KIF21B: variants seen among roughly 807,000 people sequenced by gnomAD.
KIF21B encodes the protein kinesin family member 21B, also known as kinesin-like protein KIF21B.
Under a neutral mutation model 192.9 loss-of-function variants are expected in KIF21B, and 85 were observed. That is an observed-to-expected ratio of 0.44 (90% CI 0.37 to 0.53). The LOEUF (loss-of-function observed/expected upper bound fraction) is 0.53, where lower values mean the gene tolerates loss of function less well. Ranked by LOEUF, KIF21B falls within the 20% of genes least tolerant of loss-of-function variation. The pLI is 0.00. For missense variants in KIF21B, 1,716 were observed against 2,194.8 expected (o/e 0.78, Z 4.36); for synonymous variants, 832 against 884.6 (o/e 0.94, Z 1.05).
Position 201,000,054 on chromosome 1 carries a change from G to T in KIF21B, c.1686-90C>A. 1 of 1,192,472 alleles carries T rather than the reference G, an allele frequency of 8.4e-7. No homozygotes were observed. 73.9% of individuals were successfully genotyped at this position (1,192,472 alleles called of 1,614,324 possible). ...ACGGCGGCAGCGGCAGAAAAGGAAGGCTCTCACCAGAGGCCGGGGAGAGCA... is the reference window on the plus strand; with the variant it reads ...ACGGCGGCAGCGGCAGAAAAGGAAGTCTCTCACCAGAGGCCGGGGAGAGCA... On this transcript the variant is annotated intron_variant, in intron 11 of 34. Coordinates refer to ENST00000461742, the MANE Select transcript of KIF21B (RefSeq NM_001252102.2). The surrounding 1 kb of genome is among the most constrained non-coding windows in gnomAD (Gnocchi z 6.0).
At position 201,000,480 on chromosome 1, in the gene KIF21B, C is replaced by G. The variant is rs1279620644; in HGVS notation, c.1595G>C (p.Ser532Thr). Residue 532 changes from serine (S) to threonine (T), a missense_variant, in exon 11 of 35, where the codon AGC (serine) becomes ACC (threonine). By Grantham distance (58) the Ser-to-Thr change is moderately conservative (BLOSUM62 1). Transcript: ENST00000461742. This position sits in a 1 kb window ranked among gnomAD's most constrained non-coding sequence, Gnocchi z 6.0. ...AAPAFGGSPASSMEDASEVIR... is the reference protein window; with the variant it reads ...AAPAFGGSPATSMEDASEVIR... ...CACCTCCGAGGCATCCTCCATGGAG[C>G]TGGCAGGGCTGCCCCCGAAGGCCGG... The G allele has an allele frequency of 6.2e-7, 1 of 1,604,672 alleles. No individual in the cohort carries two copies. The highest frequency in any genetic ancestry group is 1.3e-5 in the African/African-American group (1 of 74,454).
chr1:200,979,922 A>G (rs1655811004), intron 29 of KIF21B, among the ~76,000 whole-genome samples: 3 of 152,194 alleles, frequency 2.0e-5, no homozygotes, highest in Admixed American at 6.5e-5. Context: ...GGAAGAGAGA[A>G]TTCCCTCAGA....
intron 15 of KIF21B, among the ~76,000 whole-genome samples, chr1:200,995,440 T>C (rs187743191): frequency 8.5e-5 from 13 of 152,298 alleles, no homozygotes; most frequent in Non-Finnish European, 1.8e-4. Context: ...ATGGATCTGC[T>C]GAGCCCCAGA....
In KIF21B at chr1:200,990,834, C is replaced by A; in HGVS notation, c.2687+83G>T. 1 of 1,595,484 alleles carries A rather than the reference C, an allele frequency of 6.3e-7. No individual in the cohort carries two copies. The highest frequency in any genetic ancestry group is 8.6e-7 in the Non-Finnish European group (1 of 1,166,210). ...CGGGGACCCGGAGCACTCCCCAGAG[C>A]TTCCCTCTTCCTCACCCTGGCCCTG... On this transcript the variant is annotated intron_variant, in intron 18 of 34. Coordinates refer to ENST00000461742, the MANE Select transcript of KIF21B (RefSeq NM_001252102.2). This position sits in a 1 kb window ranked among gnomAD's most constrained non-coding sequence, Gnocchi z 5.4.
At position 200,974,832 on chromosome 1, in the gene KIF21B, C is replaced by A; in HGVS notation, c.4696G>T (p.Ala1566Ser). 4 of 1,614,246 alleles carry A rather than the reference C, an allele frequency of 2.5e-6. No individual in the cohort carries two copies. The highest frequency in any genetic ancestry group is 3.4e-6 in the Non-Finnish European group (4 of 1,180,032). Reference protein sequence around the residue: ...GRPMLLSACRAGVIKVWNVDN... With the variant: ...GRPMLLSACRSGVIKVWNVDN... Reference sequence around the variant, plus strand: ...ACGTTCCAGACCTTGATGACACCCGCACGGCAGGCGCTGAGCAGCATGGGG... The same window carrying A: ...ACGTTCCAGACCTTGATGACACCCGAACGGCAGGCGCTGAGCAGCATGGGG... The change falls in exon 34 of 35, where the codon GCG (alanine) becomes TCG (serine). Residue 1566 changes from alanine (A) to serine (S), a missense_variant. This residue lies in a region of KIF21B where 580 missense variants were observed against 775.5 expected (regional missense o/e 0.75). Coordinates refer to ENST00000461742, the MANE Select transcript of KIF21B (RefSeq NM_001252102.2).
At chr1:200,992,144 T>C in intron 16 of KIF21B, 138 bp downstream of exon 16, 1 of 700,768 alleles carries the variant, frequency 1.4e-6, no homozygotes. Context: ...CAGGCTGTAC[T>C]GTCCTCCAAG....
chr1:201,009,704 G>T (rs1388325190), intron 1 of KIF21B, among the ~76,000 whole-genome samples: 1 of 152,228 alleles, frequency 6.6e-6, no homozygotes. Flanking sequence ...CATTTATTGA[G>T]CATTCAGTAT....
chr1:200,992,580 G>A (rs1055380284), intron 15 of KIF21B, among the ~76,000 whole-genome samples, 191 bp from the exon 16 acceptor site: 10 of 152,238 alleles, frequency 6.6e-5, no homozygotes, highest in Non-Finnish European at 7.3e-5. Flanking sequence ...AGCCGCCTGG[G>A]CAAGCTGCCA....
chr1:200,991,268 G>T, intron 17 of KIF21B, 119 bp from the exon 18 acceptor site: 1 of 772,024 alleles, frequency 1.3e-6, no homozygotes, highest in Non-Finnish European at 2.1e-6. Context: ...GCTGGCCTGG[G>T]CTTGGGCTGC....
Position 201,000,759 on chromosome 1 carries a change from C to A in KIF21B, c.1424G>T (p.Gly475Val). The change falls in exon 10 of 35, where the codon GGT (glycine) becomes GTT (valine). Residue 475 changes from glycine (G) to valine (V), a missense_variant. Gly to Val is a moderately radical substitution (Grantham distance 109, BLOSUM62 -3). Transcript: ENST00000461742. This position sits in a 1 kb window ranked among gnomAD's most constrained non-coding sequence, Gnocchi z 6.0. ...AKAGDGNEAIGALIQNYIREI... is the reference protein window; with the variant it reads ...AKAGDGNEAIVALIQNYIREI... ...CCGGATGTAGTTCTGGATCAGCGCA[C>A]CAATGGCCTCATTGCCATCGCCTGG... 6.2e-7 allele frequency: 1 copy of A among 1,614,240 alleles called. No individual in the cohort carries two copies. The highest frequency in any genetic ancestry group is 8.5e-7 in the Non-Finnish European group (1 of 1,180,036).
chr1:200,990,262 G>A lies in KIF21B; in HGVS notation c.2906C>T (p.Pro969Leu), dbSNP rs768726346. ...CTCCTGCAGCCCCTTCTCTTCCTCG[G>A]GGCTCTCAGCCTGCAGCCGCTCCCG... ...RKRERLQAESPEEEKGLQELA... is the reference protein window; with the variant it reads ...RKRERLQAESLEEEKGLQELA... Residue 969 changes from proline to leucine, a missense_variant, in exon 20 of 35, where the codon CCC becomes CTC. Coordinates refer to ENST00000461742, the MANE Select transcript of KIF21B (RefSeq NM_001252102.2). The surrounding 1 kb of genome is among the most constrained non-coding windows in gnomAD (Gnocchi z 5.4). 1 of 1,613,766 alleles carries A rather than the reference G, an allele frequency of 6.2e-7. No homozygotes were observed. Among genetic ancestry groups the A allele is most frequent in the Non-Finnish European group, 8.5e-7 (1 of 1,179,950 alleles).
chr1:200,984,798 T>C lies in KIF21B; in HGVS notation c.3803+61A>G, dbSNP rs966982111. On this transcript the variant is annotated intron_variant, in intron 27 of 34. Coordinates refer to ENST00000461742, the MANE Select transcript of KIF21B (RefSeq NM_001252102.2). ...CTGAGCCCTCCTCCAGCAAGGACCATCCACAGGCTCCCCATTGCCACCTCA... is the reference window on the plus strand; with the variant it reads ...CTGAGCCCTCCTCCAGCAAGGACCACCCACAGGCTCCCCATTGCCACCTCA... 3.1e-6 allele frequency: 4 copies of C among 1,283,378 alleles called. No homozygotes were observed. In the African/African-American group the frequency reaches 6.2e-5, roughly 20 times the overall value. 79.5% of individuals were successfully genotyped at this position (1,283,378 alleles called of 1,614,324 possible).
Position 200,984,909 on chromosome 1 carries a change from A to G in KIF21B, c.3753T>C (p.Asn1251=). The G allele has an allele frequency of 6.2e-7, 1 of 1,607,124 alleles. No individual in the cohort carries two copies. Among genetic ancestry groups the G allele is most frequent in the Non-Finnish European group, 8.5e-7 (1 of 1,177,508 alleles). The change falls in exon 27 of 35, where the codon AAT becomes AAC. Residue 1251 remains asparagine, a synonymous_variant. Transcript: ENST00000461742. ...SPPTRPRNDR[N]VFSRLTSNQS... Reference sequence around the variant, plus strand: ...GATTACTGGTGAGACGAGAGAAGACATTGCGGTCATTGCGGGGCCGAGTGG... The same window carrying G: ...GATTACTGGTGAGACGAGAGAAGACGTTGCGGTCATTGCGGGGCCGAGTGG...
At chr1:201,003,357 C>G in intron 8 of KIF21B, 3 of 587,144 alleles carry the variant, frequency 5.1e-6, no homozygotes, top group Non-Finnish European at 9.1e-6. Context: ...ACTTAGTATT[C>G]TAAAATCTTG....
At chr1:200,993,978 C>T (rs915283831) in intron 15 of KIF21B, among the ~76,000 whole-genome samples, 5 of 152,026 alleles carry the variant, frequency 3.3e-5, no homozygotes, top group African/African-American at 1.2e-4. Flanking sequence ...GTCAGACCCT[C>T]GGCTAAAAGT....
chr1:200,987,776 A>G (rs1656403030), intron 24 of KIF21B, among the ~76,000 whole-genome samples: 1 of 152,238 alleles, frequency 6.6e-6, no homozygotes, highest in South Asian at 2.1e-4. Flanking sequence ...AAAACTATGC[A>G]TAATTTGCTA....
chr1:200,981,527 T>C (rs116517861), intron 28 of KIF21B, among the ~76,000 whole-genome samples: 2,509 of 152,254 alleles, frequency 0.016, 78 homozygotes, highest in African/African-American at 0.056. Context: ...GCTGCTTCAG[T>C]TAACCGAGTG....
At chr1:200,996,694 C>G (rs1164031676) in intron 14 of KIF21B, among the ~76,000 whole-genome samples, 4 of 152,146 alleles carry the variant, frequency 2.6e-5, no homozygotes, top group Admixed American at 6.5e-5. Context: ...CTCATGCTGG[C>G]TGGGTTCTGA....
Position 201,017,472 on chromosome 1 carries a change from G to A in KIF21B, c.41+5871C>T, listed in dbSNP as rs1469795413. ...CTCTCCCTGTCCCACCCCCATCTCA[G>A]GGCATCTGGCAGGGGTTTCCCATGA... is the stretch of plus-strand genomic sequence containing the variant. On this transcript the variant is annotated intron_variant, in intron 1 of 34. Transcript: ENST00000461742. This position sits in a 1 kb window ranked among gnomAD's most constrained non-coding sequence, Gnocchi z 4.1. 1.3e-5 allele frequency among the ~76,000 whole-genome samples: 2 copies of A among 152,214 alleles called. No individual in the cohort carries two copies. Among genetic ancestry groups the A allele is most frequent in the Non-Finnish European group, 2.9e-5 (2 of 68,010 alleles).
Sources: allele counts gnomAD v4.1 joint callset (sites outside exome capture counted in the v4.1 genomes callset), GRCh38; gene constraint gnomAD v4.1.1; regional missense constraint gnomAD v4.1.1; non-coding constraint Gnocchi (gnomAD v3.1); transcripts MANE v1.5; gene names NCBI Gene and HGNC (gene_info 2026-07-23, HGNC 2026-07-21).